The following FRMPD1 variants were observed in gnomAD, a reference collection of about 807,000 sequenced individuals.
FRMPD1 encodes FERM and PDZ domain containing 1.
In FRMPD1, 76 loss-of-function variants were observed where a neutral mutation model predicts 117.8. The ratio of observed to expected loss-of-function variants is 0.65; its 90% CI spans 0.54 to 0.78. The LOEUF (loss-of-function observed/expected upper bound fraction) is 0.78. Ranked by LOEUF, FRMPD1 falls within the 30% of genes least tolerant of loss-of-function variation. The pLI is 0.00. For missense variants in FRMPD1, 1,786 were observed against 1,964.5 expected (o/e 0.91, Z 1.72); for synonymous variants, 783 against 770.4 (o/e 1.02, Z -0.27).
rs1036414269 is a variant in FRMPD1 at position 37,658,652 on chromosome 9, G to T, written c.-5+7558G>T. 2.0e-5 allele frequency among the ~76,000 whole-genome samples: 3 copies of T among 152,152 alleles called. No homozygotes were observed. In the East Asian group the frequency reaches 5.8e-4, roughly 29 times the overall value. On this transcript the variant is annotated intron_variant, in intron 1 of 15. Transcript: ENST00000377765. ...CTTGACTTGTGGCTGCATCACTCCAGTCTCTGCCTCCCTGGTCACGTTGCC... is the reference window on the plus strand; with the variant it reads ...CTTGACTTGTGGCTGCATCACTCCATTCTCTGCCTCCCTGGTCACGTTGCC...
At chr9:37,692,976 T>TA (rs1160201438) in intron 2 of FRMPD1, among the ~76,000 whole-genome samples, 13 of 151,668 alleles carry the variant, frequency 8.6e-5, no homozygotes, top group African/African-American at 3.2e-4. Context: ...CACACACACT[T>TA]ACAACATTTA....
intron 1 of FRMPD1, among the ~76,000 whole-genome samples, chr9:37,674,331 A>T (rs776659753): frequency 6.6e-6 from 1 of 152,166 alleles, no homozygotes; most frequent in African/African-American, 2.4e-5. Flanking sequence ...TAAGTTCCTC[A>T]TCTCCGTCTG....
At chr9:37,673,251 C>A (rs1226843403) in intron 1 of FRMPD1, among the ~76,000 whole-genome samples, 1 of 152,208 alleles carries the variant, frequency 6.6e-6, no homozygotes. Flanking sequence ...AAAGGTGTTA[C>A]AGGGCCCATG....
At chr9:37,709,728 GGT>G (rs1247803749) in intron 4 of FRMPD1, among the ~76,000 whole-genome samples, 2 of 152,136 alleles carry the variant, frequency 1.3e-5, no homozygotes, top group Non-Finnish European at 2.9e-5. Context: ...GGAGGTGAAG[GGT>G]GATTCAGGCA....
At chr9:37,613,305 C>A in the FRMPD1 span, among the ~76,000 whole-genome samples, 1 of 152,118 alleles carries the variant, frequency 6.6e-6, no homozygotes, top group African/African-American at 2.4e-5. Flanking sequence ...ACTGCAGATA[C>A]AACAGATAAC....
the FRMPD1 span, among the ~76,000 whole-genome samples, chr9:37,621,105 G>GACT: frequency 6.6e-5 from 10 of 152,196 alleles, no homozygotes; most frequent in African/African-American, 2.2e-4. Flanking sequence ...AGGAGTGACT[G>GACT]ACTGATTCTT....
chr9:37,656,119 C>G (rs1193801138), intron 1 of FRMPD1, among the ~76,000 whole-genome samples: 1 of 152,168 alleles, frequency 6.6e-6, no homozygotes, highest in African/African-American at 2.4e-5. Context: ...TCTTTCTACC[C>G]CACAACCCTT....
chr9:37,651,461 G>A (rs1176422900), intron 1 of FRMPD1, among the ~76,000 whole-genome samples: 1 of 152,232 alleles, frequency 6.6e-6, no homozygotes, highest in Non-Finnish European at 1.5e-5. Context: ...CGTCCTCGAT[G>A]GCCACACCTG....
At chr9:37,721,574 T>G (rs1823400540) in intron 6 of FRMPD1, among the ~76,000 whole-genome samples, 1 of 152,218 alleles carries the variant, frequency 6.6e-6, no homozygotes, top group South Asian at 2.1e-4. Context: ...ATAAATTGGC[T>G]TAAACTTTTT....
intron 1 of FRMPD1, among the ~76,000 whole-genome samples, chr9:37,680,497 A>T (rs13284165): frequency 0.33 from 50,399 of 152,122 alleles, 9,338 homozygotes; most frequent in Non-Finnish European, 0.43. Context: ...TGTTTTACGC[A>T]GACCATGTTT....
At chr9:37,691,433 T>C (rs1563933499) in intron 1 of FRMPD1, among the ~76,000 whole-genome samples, 2 of 152,222 alleles carry the variant, frequency 1.3e-5, no homozygotes, top group African/African-American at 4.8e-5. Flanking sequence ...AATTTGAACA[T>C]AGTCTATAGT....
intron 4 of FRMPD1, among the ~76,000 whole-genome samples, chr9:37,710,405 G>T (rs554760671): frequency 3.9e-5 from 6 of 152,144 alleles, no homozygotes; most frequent in African/African-American, 1.4e-4. Context: ...TGTTCTGGCC[G>T]CTAATATAAA....
At chr9:37,717,594 A>G (rs1446025740) in intron 5 of FRMPD1, among the ~76,000 whole-genome samples, 2 of 151,976 alleles carry the variant, frequency 1.3e-5, no homozygotes, top group Non-Finnish European at 2.9e-5. Context: ...TGGCCAGGCT[A>G]GTCTCAAACT....
the FRMPD1 span, among the ~76,000 whole-genome samples, chr9:37,618,443 C>A: frequency 6.6e-6 from 1 of 152,114 alleles, no homozygotes; most frequent in Non-Finnish European, 1.5e-5. Flanking sequence ...CTACACTCAT[C>A]CCGATTGGTC....
the FRMPD1 span, among the ~76,000 whole-genome samples, chr9:37,641,640 A>G: frequency 6.6e-6 from 1 of 152,178 alleles, no homozygotes; most frequent in Admixed American, 6.5e-5. Flanking sequence ...ACATGAATAA[A>G]GCCTTGTTTT....
rs747890243 is a variant in FRMPD1, at chr9:37,735,766, C to A, written c.1401+32C>A. ...CAATGGGGAGAGATTCTGAATTCAA[C>A]TGCTGGAATTTGGGGCCAAATAGGG... On this transcript the variant is annotated intron_variant, in intron 13 of 15. Transcript: ENST00000377765. The A allele has an allele frequency of 2.1e-5, 32 of 1,552,748 alleles. No individual in the cohort carries two copies. The Admixed American group carries it at 5.3e-4, about 26-fold the overall frequency.
rs537604951 is a variant in FRMPD1 at position 37,718,156 on chromosome 9, T to A, written c.409-913T>A. Among the ~76,000 whole-genome samples, 21 of 152,210 alleles carry A rather than the reference T, an allele frequency of 1.4e-4. No individual in the cohort carries two copies. The South Asian group carries it at 4.1e-3, about 30-fold the overall frequency. ...AAAATTTCAGGGCAACTTGTTCACT[T>A]CATGTACTTCATGGCTTCGGTCTGT... On this transcript the variant is annotated intron_variant, in intron 5 of 15. Transcript: ENST00000377765.
At chr9:37,687,607 C>T (rs1246699126) in intron 1 of FRMPD1, among the ~76,000 whole-genome samples, 1 of 152,174 alleles carries the variant, frequency 6.6e-6, no homozygotes, top group East Asian at 1.9e-4. Context: ...TTTGTCAGGA[C>T]ACTATAACCT....
chr9:37,624,662 T>C, the FRMPD1 span, among the ~76,000 whole-genome samples: 2 of 152,230 alleles, frequency 1.3e-5, no homozygotes, highest in Non-Finnish European at 2.9e-5. Flanking sequence ...CTCTCTATGA[T>C]TATTATGAAA....
Sources: allele counts gnomAD v4.1 joint callset (sites outside exome capture counted in the v4.1 genomes callset), GRCh38; gene constraint gnomAD v4.1.1; transcripts MANE v1.5; gene names NCBI Gene and HGNC (gene_info 2026-07-23, HGNC 2026-07-21).